RHBDD1: variants seen among roughly 807,000 people sequenced by gnomAD.
The protein encoded by RHBDD1 is rhomboid-related protein 4.
A neutral mutation model predicts 36.3 loss-of-function variants in RHBDD1; 38 were observed. The observed-to-expected ratio is 1.05, with a 90% CI of 0.81 to 1.37. The LOEUF (loss-of-function observed/expected upper bound fraction) is 1.37. Ranked by LOEUF, RHBDD1 falls within the 40% of genes most tolerant of loss-of-function variation. The pLI is 0.00. For missense variants in RHBDD1, 393 were observed against 377.6 expected, an observed-to-expected ratio of 1.04 and a Z score of -0.34; for synonymous variants, 151 against 136.5, an observed-to-expected ratio of 1.11 and a Z score of -0.74.
intron 3 of RHBDD1, among the ~76,000 whole-genome samples, chr2:226,859,564 C>G (rs1056858774): frequency 6.6e-6 from 1 of 152,176 alleles, no homozygotes; most frequent in African/African-American, 2.4e-5. Flanking sequence ...ATGCCAGTCA[C>G]TGTGTATTTG....
chr2:226,926,770 T>A (rs1409175404), intron 8 of RHBDD1, among the ~76,000 whole-genome samples: 1 of 152,172 alleles, frequency 6.6e-6, no homozygotes, highest in Non-Finnish European at 1.5e-5. Context: ...CCACATGAAG[T>A]GATACTATGT....
At chr2:226,825,296 T>C in the RHBDD1 span, among the ~76,000 whole-genome samples, 4 of 151,946 alleles carry the variant, frequency 2.6e-5, no homozygotes, top group African/African-American at 9.7e-5. Flanking sequence ...GAAGTGGCGG[T>C]TGCAGATGTA....
At chr2:226,936,260 G>A (rs1950322927) in intron 8 of RHBDD1, among the ~76,000 whole-genome samples, 1 of 152,090 alleles carries the variant, frequency 6.6e-6, no homozygotes, top group Non-Finnish European at 1.5e-5. Context: ...ACAACAGATT[G>A]TGCTTATATC....
chr2:226,966,402 A>G (rs1278450287), intron 8 of RHBDD1, among the ~76,000 whole-genome samples: 1 of 152,228 alleles, frequency 6.6e-6, no homozygotes, highest in East Asian at 1.9e-4. Context: ...ACTGTTCAGT[A>G]GAAGTATCTG....
At chr2:226,825,947 T>G in the RHBDD1 span, among the ~76,000 whole-genome samples, 6 of 152,230 alleles carry the variant, frequency 3.9e-5, no homozygotes, top group South Asian at 2.1e-4. Flanking sequence ...GAGTTTATTG[T>G]GTGCCAGGCA....
chr2:226,917,756 A>G (rs1159029072), intron 8 of RHBDD1, among the ~76,000 whole-genome samples: 1 of 152,100 alleles, frequency 6.6e-6, no homozygotes, highest in African/African-American at 2.4e-5. Flanking sequence ...TCCATTCATG[A>G]AAAATCACAA....
intron 8 of RHBDD1, among the ~76,000 whole-genome samples, chr2:226,926,801 T>G (rs1182278114): frequency 1.3e-5 from 2 of 152,200 alleles, no homozygotes; most frequent in Non-Finnish European, 2.9e-5. Flanking sequence ...ATATCCTGTT[T>G]CCTAAAAATT....
At chr2:226,922,737 G>GTTCTCTA (rs2125782822) in intron 8 of RHBDD1, among the ~76,000 whole-genome samples, 1 of 152,014 alleles carries the variant, frequency 6.6e-6, no homozygotes, top group South Asian at 2.1e-4. Flanking sequence ...GATGTTCTCT[G>GTTCTCTA]GAGGTATGTT....
At chr2:226,886,656 A>T (rs764190092) in intron 5 of RHBDD1, among the ~76,000 whole-genome samples, 1 of 152,224 alleles carries the variant, frequency 6.6e-6, no homozygotes, top group Admixed American at 6.5e-5. Flanking sequence ...ACAAGGTAAT[A>T]ATGACTTTAA....
chr2:226,953,566 C>T (rs1345905084), intron 8 of RHBDD1, among the ~76,000 whole-genome samples: 2 of 152,192 alleles, frequency 1.3e-5, no homozygotes, highest in African/African-American at 4.8e-5. Flanking sequence ...ACTCCCCATT[C>T]AAAGCTGTTT....
intron 8 of RHBDD1, among the ~76,000 whole-genome samples, chr2:226,945,212 A>G (rs1458879023): frequency 6.6e-6 from 1 of 151,288 alleles, no homozygotes; most frequent in Non-Finnish European, 1.5e-5. Context: ...CAGAATGTGC[A>G]GGTTTGTTAC....
At chr2:226,860,094 A>T (rs1479036915) in intron 3 of RHBDD1, among the ~76,000 whole-genome samples, 1 of 152,216 alleles carries the variant, frequency 6.6e-6, no homozygotes, top group African/African-American at 2.4e-5. Flanking sequence ...GTCAAAAGAC[A>T]TGTCAAGGAT....
At chr2:226,810,540 CAAAAAAA>C in the RHBDD1 span, among the ~76,000 whole-genome samples, 167 of 33,886 alleles carry the variant, frequency 4.9e-3, no homozygotes, top group Middle Eastern at 0.016. Flanking sequence ...GACTCCGTCT[CAAAAAAA>C]AAAAAAAAAA....
chr2:226,960,560 T>C (rs1296264940), intron 8 of RHBDD1, among the ~76,000 whole-genome samples: 1 of 152,260 alleles, frequency 6.6e-6, no homozygotes, highest in Non-Finnish European at 1.5e-5. Context: ...TTAGGTTATT[T>C]CGATGCTCTA....
the RHBDD1 span, among the ~76,000 whole-genome samples, chr2:226,803,187 A>G: frequency 1.3e-5 from 2 of 152,212 alleles, no homozygotes; most frequent in Admixed American, 6.5e-5. Context: ...AAGATGGCTC[A>G]ATAGTAATAA....
At chr2:226,989,786 G>GA (rs950232784) in intron 8 of RHBDD1, among the ~76,000 whole-genome samples, 3 of 152,184 alleles carry the variant, frequency 2.0e-5, no homozygotes, top group Non-Finnish European at 4.4e-5. Context: ...TAACCAACTG[G>GA]AGGGGAGAGA....
At chr2:226,819,881 T>C in the RHBDD1 span, among the ~76,000 whole-genome samples, 12 of 152,092 alleles carry the variant, frequency 7.9e-5, no homozygotes, top group Non-Finnish European at 1.8e-4. Flanking sequence ...CCCTTGATTA[T>C]GTGCACTAAA....
intron 8 of RHBDD1, among the ~76,000 whole-genome samples, chr2:226,917,448 A>C (rs547624975): frequency 6.6e-6 from 1 of 152,276 alleles, no homozygotes; most frequent in Non-Finnish European, 1.5e-5. Context: ...ATCAGATGCT[A>C]TAAGACTCGC....
intron 8 of RHBDD1, among the ~76,000 whole-genome samples, chr2:226,924,696 T>G (rs1000246056): frequency 1.3e-5 from 2 of 152,318 alleles, no homozygotes; most frequent in Non-Finnish European, 2.9e-5. Context: ...TTCTGACCAC[T>G]GGGATGGGCA....
Sources: gnomAD v4.1 joint callset for allele counts (sites outside exome capture counted in the v4.1 genomes callset) on GRCh38, gnomAD v4.1.1 for gene constraint, MANE v1.5 for transcripts, NCBI Gene and HGNC (gene_info 2026-07-23, HGNC 2026-07-21) for gene names.